CHRM5: variants seen among roughly 807,000 people sequenced by gnomAD.
CHRM5 encodes muscarinic acetylcholine receptor M5.
CHRM5 carries 18 observed loss-of-function variants against 39.0 expected under a neutral mutation model. The ratio of observed to expected loss-of-function variants is 0.46; its 90% CI spans 0.32 to 0.68. The LOEUF is 0.68. Ranked by LOEUF, CHRM5 falls within the 30% of genes least tolerant of loss-of-function variation. The pLI is 0.04. For missense variants in CHRM5, 515 were observed against 651.1 expected, an observed-to-expected ratio of 0.79 and a Z score of 2.28; for synonymous variants, 241 against 246.3, an observed-to-expected ratio of 0.98 and a Z score of 0.20.
intron 1 of CHRM5, among the ~76,000 whole-genome samples, chr15:34,001,890 A>T (rs1321132915): frequency 6.6e-6 from 1 of 152,246 alleles, no homozygotes; most frequent in Middle Eastern, 3.2e-3. Flanking sequence ...CATCAAAGTC[A>T]TGAGGAAGAA....
intron 1 of CHRM5, among the ~76,000 whole-genome samples, chr15:33,978,021 G>A (rs148215133): frequency 2.1e-5 from 3 of 143,338 alleles, no homozygotes; most frequent in African/African-American, 7.5e-5. Flanking sequence ...AGGGAGGGAG[G>A]GAGGGATGGA....
Position 34,011,537 on chromosome 15 carries a change from T to TA in CHRM5, c.-407-35002dup. ...AATGGGAATAAAATGATCCACATGA[T>TA]AGTCAAATTCAACTGTTTCTCTAGC... is the stretch of plus-strand genomic sequence containing the variant. On this transcript the variant is annotated intron_variant, in intron 1 of 2. Coordinates refer to ENST00000383263, the MANE Select transcript of CHRM5 (RefSeq NM_012125.4). Among the ~76,000 whole-genome samples, 2 of 152,294 alleles carry TA rather than the reference T, an allele frequency of 1.3e-5. 1 individual carries two copies. Among genetic ancestry groups the TA allele is most frequent in the Non-Finnish European group, 2.9e-5 (2 of 68,026 alleles).
At position 34,064,285 on chromosome 15, in the gene CHRM5, T is replaced by G; in HGVS notation, c.1568T>G (p.Leu523Trp). The G allele has an allele frequency of 6.2e-7, 1 of 1,613,892 alleles. No homozygotes were observed. The highest frequency in any genetic ancestry group is 8.5e-7 in the Non-Finnish European group (1 of 1,179,910). The change falls in exon 3 of 3, where the codon TTG (leucine) becomes TGG (tryptophan). Residue 523 changes from leucine to tryptophan, a missense_variant. By Grantham distance (61) the Leu-to-Trp change is moderately conservative. Transcript: ENST00000383263. ...AAAAAGAAAAAAGTGGAAGAGAAGT[T>G]GTACTGGCAGGGGAACAGCAAGCTA... ...RWKKKKVEEK[L>W]YWQGNSKLP
Position 34,064,531 on chromosome 15 carries a change from C to A in CHRM5, c.*215C>A. 1 of 602,934 alleles carries A rather than the reference C, an allele frequency of 1.7e-6. No homozygotes were observed. Among genetic ancestry groups the A allele is most frequent in the Admixed American group, 3.3e-5 (1 of 30,696 alleles). 37.3% of individuals were successfully genotyped at this position (602,934 alleles called of 1,614,324 possible). ...AATGACTCTTGCCTATGACCAAGGC[C>A]ATTTGATGCCAGGGGAGTTTGCCAA... On this transcript the variant is annotated 3_prime_UTR_variant, in exon 3 of 3. Coordinates refer to ENST00000383263, the MANE Select transcript of CHRM5 (RefSeq NM_012125.4).
At chr15:34,003,028 A>G (rs1897197736) in intron 1 of CHRM5, 1 of 1,608,016 alleles carries the variant, frequency 6.2e-7, no homozygotes, top group South Asian at 1.1e-5. Context: ...ACTGGAATTC[A>G]TACCTGCAGA....
intron 1 of CHRM5, among the ~76,000 whole-genome samples, chr15:34,042,369 C>A (rs1194526542): frequency 1.3e-5 from 2 of 149,982 alleles, no homozygotes; most frequent in African/African-American, 4.9e-5. Flanking sequence ...GTACTTTTTG[C>A]ATATTTTTAA....
intron 2 of CHRM5, among the ~76,000 whole-genome samples, chr15:34,047,291 A>G (rs1246858275): frequency 1.3e-5 from 2 of 152,054 alleles, no homozygotes; most frequent in Non-Finnish European, 2.9e-5. Flanking sequence ...GTTAGCCAGA[A>G]TGGTCTGGAT....
intron 2 of CHRM5, among the ~76,000 whole-genome samples, chr15:34,061,454 G>T (rs971148137): frequency 4.6e-5 from 7 of 152,154 alleles, no homozygotes; most frequent in African/African-American, 1.7e-4. Context: ...AATTCAAATT[G>T]TAAATGGTAA....
chr15:34,047,061 G>T (rs1041528096), intron 2 of CHRM5, among the ~76,000 whole-genome samples, 190 bp downstream of exon 2: 61 of 139,258 alleles, frequency 4.4e-4, no homozygotes, highest in Non-Finnish European at 7.0e-4. Flanking sequence ...TTTTGTTTTG[G>T]TTTTTTTGTT....
At chr15:34,023,182 A>G (rs1250645090) in intron 1 of CHRM5, among the ~76,000 whole-genome samples, 1 of 147,818 alleles carries the variant, frequency 6.8e-6, no homozygotes, top group East Asian at 2.0e-4. Context: ...TCGGTCTCAG[A>G]AAAAAAAAAA....
At chr15:34,039,573 G>A (rs1339410287) in intron 1 of CHRM5, among the ~76,000 whole-genome samples, 1 of 151,998 alleles carries the variant, frequency 6.6e-6, no homozygotes, top group Admixed American at 6.6e-5. Flanking sequence ...AAACTATACC[G>A]AAGTCAGGGT....
At position 34,055,126 on chromosome 15, in the gene CHRM5, C is replaced by T. The variant is rs575257234; in HGVS notation, c.-75-7517C>T. On this transcript the variant is annotated intron_variant, in intron 2 of 2. Coordinates refer to ENST00000383263, the MANE Select transcript of CHRM5 (RefSeq NM_012125.4). Reference sequence around the variant, plus strand: ...AGAATCACTTGAACCCGGGAGGCGGCGATTGCGGTGAGCCGAGATCACACC... The same window carrying T: ...AGAATCACTTGAACCCGGGAGGCGGTGATTGCGGTGAGCCGAGATCACACC... Among the ~76,000 whole-genome samples the T allele has an allele frequency of 3.4e-5, 5 of 147,108 alleles. No homozygotes were observed. In the East Asian group the frequency reaches 6.2e-4, roughly 18 times the overall value.
intron 2 of CHRM5, among the ~76,000 whole-genome samples, chr15:34,055,943 G>A (rs1020031291): frequency 1.3e-5 from 2 of 152,130 alleles, no homozygotes; most frequent in African/African-American, 4.8e-5. Flanking sequence ...ACAAAATCCT[G>A]GTGACCTCAG....
intron 1 of CHRM5, among the ~76,000 whole-genome samples, chr15:33,992,366 C>A (rs1053638654): frequency 3.3e-5 from 5 of 151,352 alleles, no homozygotes; most frequent in Admixed American, 3.3e-4. Context: ...CTCCAGCCTG[C>A]GCGACAGATC....
intron 1 of CHRM5, among the ~76,000 whole-genome samples, chr15:34,008,417 C>T (rs1897462778): frequency 1.4e-5 from 2 of 147,624 alleles, no homozygotes; most frequent in African/African-American, 5.1e-5. Context: ...AAGACCGTGT[C>T]TCTTAAAAAG....
intron 1 of CHRM5, among the ~76,000 whole-genome samples, chr15:34,024,974 G>T (rs549548269): frequency 6.6e-6 from 1 of 152,084 alleles, no homozygotes; most frequent in South Asian, 2.1e-4. Flanking sequence ...CCTGAGGTCA[G>T]GATTTTGAGA....
Position 34,025,207 on chromosome 15 carries a change from T to C in CHRM5, c.-407-21333T>C, listed in dbSNP as rs77652664. ...GGCATTTGAGGTGAGCATGTGAAAATGAATAAGATTCTGAAATATGAAGTG... is the reference window on the plus strand; with the variant it reads ...GGCATTTGAGGTGAGCATGTGAAAACGAATAAGATTCTGAAATATGAAGTG... On this transcript the variant is annotated intron_variant, in intron 1 of 2. Coordinates refer to ENST00000383263, the MANE Select transcript of CHRM5 (RefSeq NM_012125.4). Among the ~76,000 whole-genome samples the C allele has an allele frequency of 6.8e-4, 104 of 152,254 alleles. 1 individual carries two copies. The East Asian group carries it at 0.014, about 21-fold the overall frequency.
At chr15:34,049,216 G>T (rs1351603362) in intron 2 of CHRM5, among the ~76,000 whole-genome samples, 1 of 152,188 alleles carries the variant, frequency 6.6e-6, no homozygotes, top group Admixed American at 6.5e-5. Flanking sequence ...TGGCTGAATT[G>T]ACAGAACTAG....
chr15:33,975,716 G>A lies in CHRM5; in HGVS notation c.-408+6566G>A, dbSNP rs944508509. Among the ~76,000 whole-genome samples, 9 of 152,174 alleles carry A rather than the reference G, an allele frequency of 5.9e-5. 1 individual carries two copies. In the South Asian group the frequency reaches 1.9e-3, roughly 31 times the overall value. On this transcript the variant is annotated intron_variant, in intron 1 of 2. Coordinates refer to ENST00000383263, the MANE Select transcript of CHRM5 (RefSeq NM_012125.4). ...GGAGGCCGAGGCAGGTGAATCATGA[G>A]GTCAGGAGTTCAAGACCAGCCTGAC...
Sources: allele counts gnomAD v4.1 joint callset (sites outside exome capture counted in the v4.1 genomes callset), GRCh38; gene constraint gnomAD v4.1.1; transcripts MANE v1.5; gene names NCBI Gene and HGNC (gene_info 2026-07-23, HGNC 2026-07-21).